The following USP34 variants were observed in gnomAD, a reference collection of about 807,000 sequenced individuals.
USP34 encodes ubiquitin specific peptidase 34, also known as ubiquitin carboxyl-terminal hydrolase 34.
In USP34, 70 loss-of-function variants were observed where a neutral mutation model predicts 460.3. The ratio of observed to expected loss-of-function variants is 0.15; its 90% CI spans 0.13 to 0.19. The LOEUF (loss-of-function observed/expected upper bound fraction) is 0.19, where lower values mean the gene tolerates loss of function less well. Ranked by LOEUF, USP34 falls within the 10% of genes least tolerant of loss-of-function variation. USP34 has a pLI of 1.00. For missense variants in USP34, 3,985 were observed against 4,236.2 expected (o/e 0.94, Z 1.65); for synonymous variants, 1,647 against 1,405.3 (o/e 1.17, Z -3.85).
chr2:61,199,960 A>G (rs1288397007), intron 75 of USP34: 1 of 152,344 alleles, frequency 6.6e-6, no homozygotes, highest in East Asian at 1.9e-4. Context: ...TAAAATAAAA[A>G]CTACCATAAC....
At chr2:61,454,704 C>T (rs1695381176) in intron 1 of USP34, among the ~76,000 whole-genome samples, 1 of 151,436 alleles carries the variant, frequency 6.6e-6, no homozygotes, top group Admixed American at 6.6e-5. Context: ...GGCCCACCAC[C>T]ACACCCAGCT....
chr2:61,459,567 G>C lies in USP34; in HGVS notation c.43+11083C>G, dbSNP rs370004182. 8.5e-5 allele frequency among the ~76,000 whole-genome samples: 13 copies of C among 152,136 alleles called. No homozygotes were observed. The South Asian group carries it at 1.7e-3, about 19-fold the overall frequency. On this transcript the variant is annotated intron_variant, in intron 1 of 79. Coordinates refer to ENST00000398571, the MANE Select transcript of USP34 (RefSeq NM_014709.4). ...AGACGGGCGGATCACTTCAGGTCAA[G>C]AGTTCGAAACCAGCCTGGCCAACAC...
intron 1 of USP34, among the ~76,000 whole-genome samples, chr2:61,464,084 C>T (rs189342137): frequency 3.3e-5 from 5 of 152,286 alleles, no homozygotes; most frequent in African/African-American, 9.6e-5. Flanking sequence ...ACTGAAAGGC[C>T]GAGGCAGGTG....
chr2:61,420,485 T>C (rs1464580019), intron 2 of USP34, among the ~76,000 whole-genome samples: 1 of 152,186 alleles, frequency 6.6e-6, no homozygotes, highest in African/African-American at 2.4e-5. Context: ...TCTCTCAAAA[T>C]AGTTACTTTT....
At chr2:61,369,284 A>G (rs747259346) in intron 10 of USP34, among the ~76,000 whole-genome samples, 4 of 152,230 alleles carry the variant, frequency 2.6e-5, no homozygotes, top group Non-Finnish European at 5.9e-5. Flanking sequence ...ATAGCTACAC[A>G]AAAGTTTCAC....
chr2:61,320,932 C>T (rs1011756221), intron 21 of USP34, among the ~76,000 whole-genome samples: 2 of 151,998 alleles, frequency 1.3e-5, no homozygotes, highest in African/African-American at 4.8e-5. Context: ...ATCGCTGGAA[C>T]CCGGGAGGTG....
intron 1 of USP34, among the ~76,000 whole-genome samples, chr2:61,440,614 T>C (rs1162349196): frequency 2.6e-5 from 4 of 151,070 alleles, no homozygotes; most frequent in East Asian, 4.0e-4. Context: ...TCCTCCTGGG[T>C]TCAAGCCATT....
intron 67 of USP34, among the ~76,000 whole-genome samples, chr2:61,216,048 C>T (rs1174195374): frequency 2.6e-5 from 4 of 152,164 alleles, no homozygotes; most frequent in African/African-American, 9.7e-5. Flanking sequence ...TGATAATTTC[C>T]ATTGTATTGT....
intron 2 of USP34, among the ~76,000 whole-genome samples, chr2:61,417,672 A>C (rs1403122450): frequency 6.7e-6 from 1 of 149,642 alleles, no homozygotes; most frequent in African/African-American, 2.5e-5. Flanking sequence ...CCCTACAATG[A>C]CTGTATCATT....
chr2:61,453,393 G>C (rs566282793), intron 1 of USP34, among the ~76,000 whole-genome samples: 1 of 150,862 alleles, frequency 6.6e-6, no homozygotes, highest in Non-Finnish European at 1.5e-5. Flanking sequence ...CAGCATAGAC[G>C]ACAGAGTAAG....
chr2:61,380,441 T>C (rs959759970), intron 6 of USP34, 80 bp from the exon 7 acceptor site: 2 of 1,397,458 alleles, frequency 1.4e-6, no homozygotes, highest in Non-Finnish European at 1.9e-6. Context: ...AAAATGTACA[T>C]TGTAAGCATT....
At chr2:61,414,824 G>A (rs1694147393) in intron 2 of USP34, among the ~76,000 whole-genome samples, 1 of 152,128 alleles carries the variant, frequency 6.6e-6, no homozygotes, top group Admixed American at 6.5e-5. Context: ...CCTAAATGAA[G>A]TAGTGGCCCA....
chr2:61,402,870 T>A (rs1278254558), intron 3 of USP34, among the ~76,000 whole-genome samples: 1 of 152,114 alleles, frequency 6.6e-6, no homozygotes, highest in Non-Finnish European at 1.5e-5. Flanking sequence ...TTTATACATA[T>A]ATATAATTTT....
intron 1 of USP34, among the ~76,000 whole-genome samples, chr2:61,435,327 AAAG>A (rs1409803758): frequency 3.3e-5 from 5 of 150,214 alleles, no homozygotes; most frequent in African/African-American, 1.2e-4. Context: ...AAAAAAAAAA[AAAG>A]AACTCTAAAA....
At chr2:61,447,864 C>T (rs551663837) in intron 1 of USP34, among the ~76,000 whole-genome samples, 23 of 152,180 alleles carry the variant, frequency 1.5e-4, no homozygotes, top group South Asian at 8.3e-4. Context: ...TGCAGGTGCG[C>T]GCCACCACAC....
Position 61,188,289 on chromosome 2 carries a change from C to T in USP34, c.10454G>A (p.Ser3485Asn). The T allele has an allele frequency of 1.2e-6, 2 of 1,613,870 alleles. No individual in the cohort carries two copies. Among genetic ancestry groups the T allele is most frequent in the South Asian group, 1.1e-5 (1 of 91,070 alleles). ...GGAGGGCAAAGCTTGGCCATCACAG[C>T]TTCTCAAGTCAGCTAAGTCAGACAG... Reference protein sequence around the residue: ...AVLSDLADLRSCDGQALPSQD... With the variant: ...AVLSDLADLRNCDGQALPSQD... The change falls in exon 80 of 80, where the codon AGC (serine) becomes AAC (asparagine). Residue 3485 changes from serine to asparagine, a missense_variant. By Grantham distance (46) the Ser-to-Asn change is conservative (BLOSUM62 1). This residue lies in a region of USP34 where 506 missense variants were observed against 439.0 expected (regional missense o/e 1.15). Transcript: ENST00000398571.
At chr2:61,440,778 A>G (rs1694941713) in intron 1 of USP34, among the ~76,000 whole-genome samples, 1 of 151,702 alleles carries the variant, frequency 6.6e-6, no homozygotes, top group Non-Finnish European at 1.5e-5. Context: ...TTGGCCTCCC[A>G]AAGTGCTGGG....
At chr2:61,453,928 A>AG (rs1695356808) in intron 1 of USP34, among the ~76,000 whole-genome samples, 2 of 152,104 alleles carry the variant, frequency 1.3e-5, no homozygotes, top group South Asian at 4.1e-4. Context: ...GGGTAGAAAC[A>AG]GGGTTTCATC....
intron 8 of USP34, among the ~76,000 whole-genome samples, chr2:61,374,130 T>C (rs1289383271): frequency 7.2e-6 from 1 of 139,142 alleles, no homozygotes; most frequent in Non-Finnish European, 1.5e-5. Context: ...CACTTCAGCC[T>C]GGGCAATAGA....
Sources: gnomAD v4.1 joint callset for allele counts (sites outside exome capture counted in the v4.1 genomes callset) on GRCh38, gnomAD v4.1.1 for gene constraint, gnomAD v4.1.1 regional missense constraint, MANE v1.5 for transcripts, NCBI Gene and HGNC (gene_info 2026-07-23, HGNC 2026-07-21) for gene names.